Variants in FAM83A observed in about 807,000 individuals in gnomAD.
FAM83A encodes protein FAM83A.
A neutral mutation model predicts 24.4 loss-of-function variants in FAM83A; 21 were observed. The observed-to-expected ratio is 0.86, with a 90% confidence interval of 0.61 to 1.24. The LOEUF (loss-of-function observed/expected upper bound fraction) is 1.24, where lower values mean the gene tolerates loss of function less well. Ranked by LOEUF, FAM83A falls within the 50% of genes most tolerant of loss-of-function variation. The pLI is 0.00. For synonymous variants in FAM83A, 270 were observed against 252.4 expected, an observed-to-expected ratio of 1.07 and a Z score of -0.66; for missense variants, 617 against 579.8, an observed-to-expected ratio of 1.06 and a Z score of -0.66.
intron 1 of FAM83A, among the ~76,000 whole-genome samples, chr8:123,184,587 A>C (rs1472193998): frequency 6.6e-6 from 1 of 152,098 alleles, no homozygotes; most frequent in African/African-American, 2.4e-5. Flanking sequence ...CAATGCCCCG[A>C]GATCTCCACC....
intron 2 of FAM83A, 147 bp downstream of exon 2, chr8:123,192,117 C>T: frequency 1.3e-6 from 1 of 793,106 alleles, no homozygotes; most frequent in South Asian, 1.9e-5. Context: ...CTATGTAGGT[C>T]AGATGGCCCT....
chr8:123,207,519 C>T (rs1410588808), exon 4 of FAM83A: 2 of 1,571,492 alleles, frequency 1.3e-6, no homozygotes, highest in Non-Finnish European at 1.7e-6. Flanking sequence ...TGGGGAGCCC[C>T]GAGTCCCCAG....
At chr8:123,180,815 C>G (rs1823579285), upstream of FAM83A, 1 of 151,640 alleles carries the variant, frequency 6.6e-6, no homozygotes, top group Non-Finnish European at 1.5e-5. Context: ...TCTTTGACCT[C>G]CAGGGATTGT....
chr8:123,190,556 C>T (rs1298511882), intron 1 of FAM83A, among the ~76,000 whole-genome samples: 2 of 152,124 alleles, frequency 1.3e-5, no homozygotes, highest in Non-Finnish European at 1.5e-5. Context: ...TGAGCCACCG[C>T]GCCCGGCAGT....
At chr8:123,207,231 A>G (rs1321485500) in exon 4 of FAM83A, 1 of 1,611,974 alleles carries the variant, frequency 6.2e-7, no homozygotes, top group South Asian at 1.1e-5. Flanking sequence ...GAGCTGTTTG[A>G]CGAGGAGTTC....
chr8:123,182,613 G>C (rs539696046), upstream of FAM83A: 6 of 699,836 alleles, frequency 8.6e-6, no homozygotes, highest in Non-Finnish European at 1.5e-5. Context: ...CTCCCGGCCC[G>C]AGGGCAGGGC....
intron 1 of FAM83A, among the ~76,000 whole-genome samples, chr8:123,187,758 C>T (rs1823853287): frequency 6.6e-6 from 1 of 152,170 alleles, no homozygotes; most frequent in African/African-American, 2.4e-5. Context: ...TCAGGCAAGT[C>T]AGGGCCAGTG....
At chr8:123,183,120 G>C in exon 1 of FAM83A, 1 of 1,613,922 alleles carries the variant, frequency 6.2e-7, no homozygotes, top group Non-Finnish European at 8.5e-7. Flanking sequence ...TGGGAGGGGC[G>C]GAAGCAGGCC....
chr8:123,194,733 G>T (rs2057156722), intron 3 of FAM83A, among the ~76,000 whole-genome samples: 1 of 152,164 alleles, frequency 6.6e-6, no homozygotes, highest in Admixed American at 6.6e-5. Context: ...ATCCACCCAT[G>T]TGGCCTCCCA....
At chr8:123,198,999 G>A (rs1426592885) in intron 3 of FAM83A, among the ~76,000 whole-genome samples, 2 of 152,200 alleles carry the variant, frequency 1.3e-5, no homozygotes, top group Admixed American at 6.5e-5. Context: ...CTCGGCCTCC[G>A]AAAGTGCTGG....
intron 1 of FAM83A, 137 bp from the exon 2 acceptor site, chr8:123,191,666 C>T (rs368532008): frequency 1.2e-6 from 1 of 860,416 alleles, no homozygotes; most frequent in South Asian, 1.6e-5. Flanking sequence ...CAGTCAGACC[C>T]ACTCTACCCC....
exon 1 of FAM83A, chr8:123,183,045 G>A: frequency 6.2e-7 from 1 of 1,612,126 alleles, no homozygotes. Context: ...TGGACTTCTT[G>A]TCCTCGGTGG....
At chr8:123,192,365 TG>T (rs1340384554) in intron 2 of FAM83A, among the ~76,000 whole-genome samples, 2 of 152,164 alleles carry the variant, frequency 1.3e-5, no homozygotes, top group Non-Finnish European at 2.9e-5. Context: ...TCCTCTCAGC[TG>T]GGGAAGCCCA....
chr8:123,184,130 G>A (rs1244077363), intron 1 of FAM83A, among the ~76,000 whole-genome samples: 1 of 152,278 alleles, frequency 6.6e-6, no homozygotes, highest in Admixed American at 6.5e-5. Flanking sequence ...CAAGTGCCCT[G>A]TAGAGCTTGT....
chr8:123,195,724 G>C (rs1824127423), intron 3 of FAM83A, among the ~76,000 whole-genome samples: 1 of 152,072 alleles, frequency 6.6e-6, no homozygotes, highest in Admixed American at 6.5e-5. Context: ...GTGACACAGT[G>C]AAAGTGTATC....
chr8:123,205,338 G>A (rs1586789940), intron 3 of FAM83A, among the ~76,000 whole-genome samples: 1 of 152,210 alleles, frequency 6.6e-6, no homozygotes, highest in Non-Finnish European at 1.5e-5. Flanking sequence ...GACAACAGAG[G>A]GCGACTGGCT....
chr8:123,209,209 G>C lies in FAM83A; in HGVS notation c.*1521G>C. 8.5e-7 allele frequency: 1 copy of C among 1,179,222 alleles called. No individual in the cohort carries two copies. The highest frequency in any genetic ancestry group is 1.6e-5 in the African/African-American group (1 of 62,754). The allele number at this position is 1,179,222 out of a possible 1,614,324, so 73.0% of individuals were successfully genotyped here. On this transcript the variant is annotated 3_prime_UTR_variant, in exon 4 of 4. Transcript: ENST00000690554. The surrounding 1 kb of genome is among the most constrained non-coding windows in gnomAD (Gnocchi z 4.7). ...TTTTTGGCGGGGAAGCTCAGCCTTC[G>C]CTGTGGAGGGACGAGAGCACAGAGC... is the stretch of plus-strand genomic sequence containing the variant.
At chr8:123,207,293 C>T in exon 4 of FAM83A, 1 of 1,612,440 alleles carries the variant, frequency 6.2e-7, no homozygotes, top group Admixed American at 1.7e-5. Context: ...GTCCCCGCGG[C>T]TGGTCGCCCC....
intron 2 of FAM83A, 27 bp from the exon 3 acceptor site, chr8:123,193,997 G>T: frequency 1.9e-6 from 3 of 1,613,708 alleles, no homozygotes; most frequent in Non-Finnish European, 2.5e-6. Context: ...GAATTAGGAA[G>T]TGACACCTTG....
Sources: allele counts gnomAD v4.1 joint callset (sites outside exome capture counted in the v4.1 genomes callset), GRCh38; gene constraint gnomAD v4.1.1; non-coding constraint Gnocchi (gnomAD v3.1); transcripts MANE v1.5; gene names NCBI Gene and HGNC (gene_info 2026-07-23, HGNC 2026-07-21).